Variants in CADPS observed in about 807,000 individuals in gnomAD.
CADPS encodes the protein calcium dependent secretion activator, also known as calcium-dependent secretion activator 1.
CADPS carries 57 observed loss-of-function variants against 167.3 expected under a neutral mutation model. The observed-to-expected ratio is 0.34, with a 90% CI of 0.28 to 0.42. CADPS has a LOEUF of 0.42. CADPS is among the 20% of genes least tolerant of loss of function. CADPS has a pLI of 1.00. For synonymous variants in CADPS, 676 were observed against 635.3 expected (o/e 1.06, Z -0.96); for missense variants, 1,414 against 1,738.1 (o/e 0.81, Z 3.32).
intron 1 of CADPS, among the ~76,000 whole-genome samples, chr3:62,812,646 T>G (rs765819471): frequency 6.6e-6 from 1 of 152,182 alleles, no homozygotes; most frequent in African/African-American, 2.4e-5. Context: ...ACAGGCATTA[T>G]GCAAGTCACT....
intron 5 of CADPS, among the ~76,000 whole-genome samples, chr3:62,648,928 C>A (rs758229767): frequency 3.6e-4 from 55 of 152,018 alleles, no homozygotes; most frequent in Admixed American, 3.6e-3. Context: ...TTTTCACACA[C>A]TAAGTACTCT....
At chr3:62,617,229 A>G (rs902650108) in intron 6 of CADPS, among the ~76,000 whole-genome samples, 2 of 152,154 alleles carry the variant, frequency 1.3e-5, no homozygotes, top group African/African-American at 4.8e-5. Flanking sequence ...GAGCCAATAA[A>G]TGAAAAATAG....
At chr3:62,580,150 G>A (rs925125458) in intron 8 of CADPS, among the ~76,000 whole-genome samples, 12 of 152,066 alleles carry the variant, frequency 7.9e-5, no homozygotes, top group Non-Finnish European at 7.4e-5. Context: ...TGTTTACTGT[G>A]GCACTATTCA....
chr3:62,628,535 G>T (rs1314496609), intron 6 of CADPS, among the ~76,000 whole-genome samples: 2 of 151,694 alleles, frequency 1.3e-5, no homozygotes, highest in Non-Finnish European at 2.9e-5. Context: ...TCCAAACCTA[G>T]ATGCTATCCT....
chr3:62,652,548 T>A (rs898794706), intron 4 of CADPS, among the ~76,000 whole-genome samples: 1 of 152,086 alleles, frequency 6.6e-6, no homozygotes, highest in Non-Finnish European at 1.5e-5. Context: ...AGACTGCAAT[T>A]GGCTGGTAGA....
intron 26 of CADPS, among the ~76,000 whole-genome samples, chr3:62,448,335 T>C (rs770789985): frequency 9.2e-5 from 14 of 152,318 alleles, no homozygotes; most frequent in Non-Finnish European, 1.9e-4. Flanking sequence ...ACTACTAACA[T>C]GCAGTTACAA....
At chr3:62,704,456 A>G (rs2081980282) in intron 3 of CADPS, among the ~76,000 whole-genome samples, 1 of 152,082 alleles carries the variant, frequency 6.6e-6, no homozygotes, top group African/African-American at 2.4e-5. Flanking sequence ...TATCTAAGGA[A>G]ATTTGGTGGT....
intron 6 of CADPS, among the ~76,000 whole-genome samples, chr3:62,634,719 G>C (rs1006087719): frequency 6.6e-6 from 1 of 152,142 alleles, no homozygotes; most frequent in Non-Finnish European, 1.5e-5. Context: ...TGAATAATAA[G>C]GCCAAAGCCA....
At chr3:62,572,791 A>C (rs2081528109) in intron 8 of CADPS, among the ~76,000 whole-genome samples, 1 of 152,214 alleles carries the variant, frequency 6.6e-6, no homozygotes, top group Non-Finnish European at 1.5e-5. Flanking sequence ...AGGACCCCTG[A>C]AGACATCAAA....
intron 3 of CADPS, among the ~76,000 whole-genome samples, chr3:62,668,552 A>C (rs778066595): frequency 3.3e-5 from 5 of 151,956 alleles, no homozygotes; most frequent in Non-Finnish European, 5.9e-5. Flanking sequence ...CTTTGCAGCA[A>C]CTCTGCTCTG....
chr3:62,539,936 G>T (rs1487744184), intron 11 of CADPS, among the ~76,000 whole-genome samples: 1 of 152,076 alleles, frequency 6.6e-6, no homozygotes, highest in East Asian at 1.9e-4. Flanking sequence ...ATGCCTCTGG[G>T]CCTCCTTGGC....
At chr3:62,402,244 G>GGA (rs1706583416) in intron 29 of CADPS, among the ~76,000 whole-genome samples, 1 of 136,164 alleles carries the variant, frequency 7.3e-6, no homozygotes, top group South Asian at 2.9e-4. Flanking sequence ...GGGGGCGGGG[G>GGA]GGGGGGGTGC....
At chr3:62,679,376 GAGATGCTGGTCC>G (rs55950737) in intron 3 of CADPS, among the ~76,000 whole-genome samples, 43,009 of 151,714 alleles carry the variant, frequency 0.28, 7,547 homozygotes, top group East Asian at 0.8. Context: ...CTGGTCCAGA[GAGATGCTGGTCC>G]AGATGCTGGT....
intron 13 of CADPS, among the ~76,000 whole-genome samples, chr3:62,521,298 G>C (rs371830087): frequency 9.9e-5 from 15 of 152,242 alleles, no homozygotes; most frequent in East Asian, 7.7e-4. Context: ...ATTTCTCTTA[G>C]GTTGGAGTGG....
At chr3:62,560,735 T>C (rs550168980) in intron 9 of CADPS, among the ~76,000 whole-genome samples, 12 of 152,178 alleles carry the variant, frequency 7.9e-5, no homozygotes, top group Non-Finnish European at 1.5e-4. Flanking sequence ...CCTTAGCTCA[T>C]TTCCAGTCAC....
rs747928683 is a variant in CADPS at position 62,874,548 on chromosome 3, A to T, written c.441+41T>A. The T allele has an allele frequency of 8.2e-6, 12 of 1,461,302 alleles. No homozygotes were observed. In the East Asian group the frequency reaches 3.1e-4, roughly 38 times the overall value. The allele number at this position is 1,461,302 out of a possible 1,614,324, so 90.5% of individuals were successfully genotyped here. A position where few individuals can be genotyped will look rare whatever the true frequency, so the allele number is the denominator to read the frequency against. ...CATTGTTCACCCCGCCCGCCTGGCG[A>T]CGTCCGGGTGCTGCTCCCTGGGCCT... is the stretch of plus-strand genomic sequence containing the variant. On this transcript the variant is annotated intron_variant, in intron 1 of 29. Transcript: ENST00000383710. This position sits in a 1 kb window ranked among gnomAD's most constrained non-coding sequence, Gnocchi z 7.1.
intron 11 of CADPS, among the ~76,000 whole-genome samples, chr3:62,549,678 T>C (rs1299947163): frequency 6.6e-6 from 1 of 152,172 alleles, no homozygotes; most frequent in African/African-American, 2.4e-5. Flanking sequence ...CCACCTAAAA[T>C]ACACTTTCCT....
intron 11 of CADPS, among the ~76,000 whole-genome samples, chr3:62,542,483 A>G (rs562268601): frequency 1.5e-3 from 227 of 152,244 alleles, no homozygotes; most frequent in Middle Eastern, 3.4e-3. Flanking sequence ...TTTTTCTAGA[A>G]GAGCTTTCCT....
chr3:62,534,438 A>C (rs2074304801), intron 12 of CADPS, among the ~76,000 whole-genome samples: 1 of 152,186 alleles, frequency 6.6e-6, no homozygotes, highest in Non-Finnish European at 1.5e-5. Context: ...CCTGTTTCAA[A>C]TTATAAGTTA....
Sources: allele counts gnomAD v4.1 joint callset (sites outside exome capture counted in the v4.1 genomes callset), GRCh38; gene constraint gnomAD v4.1.1; non-coding constraint Gnocchi (gnomAD v3.1); transcripts MANE v1.5; gene names NCBI Gene and HGNC (gene_info 2026-07-23, HGNC 2026-07-21).